SLC17A1: variants seen among roughly 807,000 people sequenced by gnomAD.
SLC17A1 encodes sodium-dependent phosphate transport protein 1.
Under a neutral mutation model 53.5 loss-of-function variants are expected in SLC17A1, and 51 were observed. The observed-to-expected ratio is 0.95, with a 90% CI of 0.76 to 1.20. The LOEUF (loss-of-function observed/expected upper bound fraction) is 1.20, where lower values mean the gene tolerates loss of function less well. Among genes scored for constraint, SLC17A1 ranks in the 50% most tolerant of loss-of-function variants. The probability of loss-of-function intolerance (pLI) is 0.00; values close to 1 mark genes in which losing one functional copy is unlikely to be tolerated. For synonymous variants in SLC17A1, 179 were observed against 198.8 expected (o/e 0.90, Z 0.84); for missense variants, 538 against 568.2 (o/e 0.95, Z 0.54).
At chr6:25,726,433 T>C in the SLC17A1 span, 6 of 1,614,092 alleles carry the variant, frequency 3.7e-6, no homozygotes, top group Non-Finnish European at 4.2e-6. Flanking sequence ...AAGCAGACGA[T>C]GGATCCGGCC....
intron 6 of SLC17A1, among the ~76,000 whole-genome samples, chr6:25,817,565 C>T (rs993975461): frequency 1.3e-5 from 2 of 150,980 alleles, no homozygotes; most frequent in Non-Finnish European, 3.0e-5. Flanking sequence ...CATGAAACCA[C>T]CCATGATAAC....
intron 8 of SLC17A1, among the ~76,000 whole-genome samples, chr6:25,812,031 G>A (rs987806397): frequency 2.3e-4 from 35 of 152,116 alleles, no homozygotes; most frequent in African/African-American, 8.0e-4. Context: ...GGATAATAGA[G>A]GAGGAAGACT....
chr6:25,820,606 C>T (rs1226428675), intron 3 of SLC17A1, among the ~76,000 whole-genome samples: 1 of 152,046 alleles, frequency 6.6e-6, no homozygotes, highest in Non-Finnish European at 1.5e-5. Context: ...GATGGCCGGG[C>T]GCGGTGGCTC....
intron 3 of SLC17A1, among the ~76,000 whole-genome samples, chr6:25,821,097 C>A (rs894551422): frequency 6.6e-6 from 1 of 151,978 alleles, no homozygotes; most frequent in Non-Finnish European, 1.5e-5. Context: ...CTGTTACTTG[C>A]ATAATTAGGA....
intron 2 of SLC17A1, among the ~76,000 whole-genome samples, chr6:25,829,747 G>A (rs1233794037): frequency 6.6e-6 from 1 of 151,994 alleles, no homozygotes; most frequent in African/African-American, 2.4e-5. Flanking sequence ...AGTAAAATGT[G>A]CATCTGTAAA....
chr6:25,781,687 C>T (rs538358984), downstream of SLC17A1, among the ~76,000 whole-genome samples: 1 of 152,110 alleles, frequency 6.6e-6, no homozygotes, highest in African/African-American at 2.4e-5. Flanking sequence ...AGACAGGAAG[C>T]TGGGAGGGGG....
At chr6:25,741,922 A>G in the SLC17A1 span, among the ~76,000 whole-genome samples, 4 of 152,078 alleles carry the variant, frequency 2.6e-5, no homozygotes, top group African/African-American at 9.7e-5. Flanking sequence ...GTTGAAGTAT[A>G]TCCTTGGCCG....
intron 10 of SLC17A1, among the ~76,000 whole-genome samples, chr6:25,807,513 G>A (rs1283725702): frequency 1.3e-5 from 2 of 151,796 alleles, no homozygotes; most frequent in African/African-American, 2.4e-5. Context: ...TTGGTTACAG[G>A]GATACATTCT....
the SLC17A1 span, chr6:25,732,413 CT>C: frequency 1.1e-5 from 3 of 270,852 alleles, no homozygotes; most frequent in Non-Finnish European, 1.4e-5. Flanking sequence ...TAACGGGTGT[CT>C]TTTTCCGTTA....
the SLC17A1 span, among the ~76,000 whole-genome samples, chr6:25,743,587 C>G: frequency 6.6e-6 from 1 of 152,078 alleles, no homozygotes; most frequent in Non-Finnish European, 1.5e-5. Flanking sequence ...ATGCAGAAGT[C>G]CTAAACAGAA....
Position 25,813,100 on chromosome 6 carries a change from G to A in SLC17A1, c.730C>T (p.Gln244Ter), listed in dbSNP as rs867685386. 1 of 1,613,450 alleles carries A rather than the reference G, an allele frequency of 6.2e-7. No homozygotes were observed. The highest frequency in any genetic ancestry group is 8.5e-7 in the Non-Finnish European group (1 of 1,179,492). Residue 244 changes from glutamine to a stop codon, truncating the protein, a stop_gained, in exon 7 of 13, where the codon CAG (glutamine) becomes TAG (stop). Coordinates refer to ENST00000244527, the MANE Select transcript of SLC17A1 (RefSeq NM_005074.5). LOFTEE classifies it high-confidence loss of function. ...TATGGAGAACTGTGTTCTACCTGCT[G>A]GACCAGGGAGGATGTGATGTATTCC... ...EKEYITSSLVQQVSSSRQSLP... is the reference protein window; with the variant it reads ...EKEYITSSLV
rs138104032 is a variant in SLC17A1 at position 25,831,556 on chromosome 6, C to T, written c.-51+438G>A. Reference sequence around the variant, plus strand: ...TGGTACAAACTCCCCTTATGTTCTCCACACATACACTCCAGACACATAGCA... The same window carrying T: ...TGGTACAAACTCCCCTTATGTTCTCTACACATACACTCCAGACACATAGCA... On this transcript the variant is annotated intron_variant, in intron 1 of 12. Transcript: ENST00000244527. Among the ~76,000 whole-genome samples the T allele has an allele frequency of 4.5e-3, 677 of 152,122 alleles. 25 individuals are homozygous for T. Among genetic ancestry groups the T allele is most frequent in the Admixed American group, 0.042 (639 of 15,256 alleles).
chr6:25,770,111 C>T, the SLC17A1 span: 2 of 1,614,144 alleles, frequency 1.2e-6, no homozygotes, highest in South Asian at 2.2e-5. Flanking sequence ...GAATCATCCT[C>T]AGCTCCCTCA....
At chr6:25,783,799 T>G (rs1343453045) in intron 12 of SLC17A1, among the ~76,000 whole-genome samples, 2 of 146,572 alleles carry the variant, frequency 1.4e-5, no homozygotes, top group African/African-American at 2.5e-5. Context: ...CACACACTCT[T>G]TTTTTTTTTT....
intron 6 of SLC17A1, 76 bp from the exon 7 acceptor site, chr6:25,813,289 T>C: frequency 2.5e-6 from 3 of 1,189,196 alleles, no homozygotes; most frequent in Non-Finnish European, 2.5e-6. Flanking sequence ...CATTTTTCAA[T>C]GTATCAGTCT....
chr6:25,726,179 G>A, the SLC17A1 span: 2 of 1,587,816 alleles, frequency 1.3e-6, no homozygotes, highest in Non-Finnish European at 1.7e-6. Flanking sequence ...TTCTTGGGCA[G>A]CAGCACTGCC....
intron 5 of SLC17A1, 94 bp from the exon 6 acceptor site, chr6:25,819,248 G>T: frequency 1.2e-6 from 1 of 850,690 alleles, no homozygotes; most frequent in African/African-American, 1.7e-5. Flanking sequence ...AATTTCCTGT[G>T]AAACAAATTT....
the SLC17A1 span, among the ~76,000 whole-genome samples, chr6:25,766,212 G>A: frequency 6.6e-6 from 1 of 150,772 alleles, no homozygotes; most frequent in African/African-American, 2.4e-5. Context: ...TATGAATAAA[G>A]AAAAAATTAT....
chr6:25,786,210 A>G (rs755654607), intron 12 of SLC17A1, among the ~76,000 whole-genome samples: 2 of 152,266 alleles, frequency 1.3e-5, no homozygotes, highest in Non-Finnish European at 2.9e-5. Flanking sequence ...CAAGTGAAAC[A>G]GGTCAGTCAC....
Sources: allele counts gnomAD v4.1 joint callset (sites outside exome capture counted in the v4.1 genomes callset), GRCh38; gene constraint gnomAD v4.1.1; transcripts MANE v1.5; gene names NCBI Gene and HGNC (gene_info 2026-07-23, HGNC 2026-07-21).